The following GIPC3 variants were observed in gnomAD, a reference collection of about 807,000 sequenced individuals.
GIPC3 encodes GIPC PDZ domain containing family member 3.
GIPC3 carries 16 observed loss-of-function variants against 27.3 expected under a neutral mutation model. That is an observed-to-expected ratio of 0.59 (90% CI 0.40 to 0.89). GIPC3 has a LOEUF of 0.89. Among genes scored for constraint, GIPC3 ranks in the 40% least tolerant of loss-of-function variants. The pLI is 0.00. For synonymous variants in GIPC3, 194 were observed against 184.6 expected (o/e 1.05, Z -0.41); for missense variants, 440 against 442.1 (o/e 1.00, Z 0.04).
At position 3,590,121 on chromosome 19, in the gene GIPC3, C is replaced by G. The variant is rs764287192; in HGVS notation, c.870C>G (p.Phe290Leu). 1 of 1,610,944 alleles carries G rather than the reference C, an allele frequency of 6.2e-7. No individual in the cohort carries two copies. The highest frequency in any genetic ancestry group is 1.3e-5 in the African/African-American group (1 of 74,910). ...GTTTAGACTCCGTCTTGGGCGAGTT[C>G]GCCTTCCCCGACGAGTTTGTGGTGG... ...ARCLDSVLGE[F>L]AFPDEFVVEV... Residue 290 changes from phenylalanine to leucine, a missense_variant, in exon 6 of 6, where the codon TTC becomes TTG. Coordinates refer to ENST00000644452, the MANE Select transcript of GIPC3 (RefSeq NM_133261.3).
In GIPC3 at chr19:3,589,848, G is replaced by C. The variant is rs200355546; in HGVS notation, c.723G>C (p.Glu241Asp). 1 of 1,613,888 alleles carries C rather than the reference G, an allele frequency of 6.2e-7. No individual in the cohort carries two copies. The highest frequency in any genetic ancestry group is 2.2e-5 in the East Asian group (1 of 44,876). Residue 241 changes from glutamate to aspartate, a missense_variant, in exon 5 of 6, where the codon GAG becomes GAC. Glu to Asp is a conservative substitution (Grantham distance 45). Coordinates refer to ENST00000644452, the MANE Select transcript of GIPC3 (RefSeq NM_133261.3). Reference protein sequence around the residue: ...TVEEAPSEFEEEASRKVDDLL... With the variant: ...TVEEAPSEFEDEASRKVDDLL... The stretch of plus-strand genomic sequence containing the variant: ...GCCCCCAGCCCAGTGAGTTTGAGGA[G>C]GAGGCATCTCGGAAGGTTGATGACC...
chr19:3,592,996 A>G lies in GIPC3; in HGVS notation c.*2806A>G, dbSNP rs1207768806. On this transcript the variant is annotated 3_prime_UTR_variant, in exon 6 of 6. Coordinates refer to ENST00000644452, the MANE Select transcript of GIPC3 (RefSeq NM_133261.3). ...GACCCCCAGCCTCTGCCTCAGCCCC[A>G]TGATCAGGTATGTGGCATCCAGGCC... 1.1e-6 allele frequency: 1 copy of G among 906,428 alleles called. No homozygotes were observed. Among genetic ancestry groups the G allele is most frequent in the East Asian group, 1.8e-4 (1 of 5,528 alleles). The allele number at this position is 906,428 out of a possible 1,614,324, so 56.1% of individuals were successfully genotyped here.
chr19:3,585,912 C>T lies in GIPC3; in HGVS notation c.225+90C>T, dbSNP rs967546127. On this transcript the variant is annotated intron_variant, in intron 1 of 5. Transcript: ENST00000644452. ...GACCCTGGACGGGAGACCCCAGATC[C>T]CCGGATCCCAGACGTCGGGGTGGCC... The T allele has an allele frequency of 3.4e-6, 5 of 1,471,988 alleles. No homozygotes were observed. In the Admixed American group the frequency reaches 8.9e-5, roughly 26 times the overall value. 91.2% of individuals were successfully genotyped at this position (1,471,988 alleles called of 1,614,324 possible). A position where few individuals can be genotyped will look rare whatever the true frequency, so the allele number is the denominator to read the frequency against.
chr19:3,589,174 G>A (rs531533185), intron 3 of GIPC3, among the ~76,000 whole-genome samples: 105 of 152,262 alleles, frequency 6.9e-4, no homozygotes, highest in Admixed American at 1.4e-3. Flanking sequence ...AGAGAAAGTC[G>A]CTAGAAGAGG....
rs199951984 is a variant in GIPC3, at chr19:3,590,122, G to C, written c.871G>C (p.Ala291Pro). ...TTTAGACTCCGTCTTGGGCGAGTTC[G>C]CCTTCCCCGACGAGTTTGTGGTGGA... ...RCLDSVLGEF[A>P]FPDEFVVEVW... is the part of the protein sequence containing the mutation. Residue 291 changes from alanine (A) to proline (P), a missense_variant, in exon 6 of 6, where the codon GCC becomes CCC. Transcript: ENST00000644452. 2 of 1,611,092 alleles carry C rather than the reference G, an allele frequency of 1.2e-6. No individual in the cohort carries two copies. Among genetic ancestry groups the C allele is most frequent in the Non-Finnish European group, 1.7e-6 (2 of 1,179,004 alleles).
chr19:3,589,644 G>A (rs564585144), intron 4 of GIPC3, 89 bp downstream of exon 4: 26 of 1,250,840 alleles, frequency 2.1e-5, no homozygotes, highest in South Asian at 9.8e-5. Context: ...ACTTCTCCTC[G>A]GAGCCTCAGT....
rs143968967 is a variant in GIPC3 at position 3,586,488 on chromosome 19, C to T, written c.226-7C>T. The T allele has an allele frequency of 1.5e-5, 24 of 1,612,770 alleles. No individual in the cohort carries two copies. The highest frequency in any genetic ancestry group is 3.3e-4 in the Middle Eastern group (2 of 6,080). On this transcript the variant is annotated splice_region_variant and splice_polypyrimidine_tract_variant and intron_variant, in intron 1 of 5. Transcript: ENST00000644452. ...GGCTAACTCTAGGCTCCTTCTCCCCCGGGAAGATTTTATTCTGCACCCTCA... is the reference window on the plus strand; with the variant it reads ...GGCTAACTCTAGGCTCCTTCTCCCCTGGGAAGATTTTATTCTGCACCCTCA...
chr19:3,589,963 G>A, intron 5 of GIPC3, 51 bp downstream of exon 5: 1 of 1,613,170 alleles, frequency 6.2e-7, no homozygotes, highest in Non-Finnish European at 8.5e-7. Context: ...AAGCCTACGG[G>A]AGGAGGCAGG....
Position 3,591,035 on chromosome 19 carries a change from C to A in GIPC3, c.*845C>A. The A allele has an allele frequency of 8.1e-7, 1 of 1,233,814 alleles. No individual in the cohort carries two copies. The allele number at this position is 1,233,814 out of a possible 1,614,324, so 76.4% of individuals were successfully genotyped here. A position where few individuals can be genotyped will look rare whatever the true frequency, so the allele number is the denominator to read the frequency against. On this transcript the variant is annotated 3_prime_UTR_variant, in exon 6 of 6. Coordinates refer to ENST00000644452, the MANE Select transcript of GIPC3 (RefSeq NM_133261.3). ...CTAGAACCCAGATAAGCTCTGAAAC[C>A]AAGCCCAGCATAGAGACCAAGCCGT... is the stretch of plus-strand genomic sequence containing the variant.
intron 3 of GIPC3, among the ~76,000 whole-genome samples, chr19:3,588,627 T>A: frequency 7.6e-6 from 1 of 131,132 alleles, no homozygotes. Flanking sequence ...TGAGGTCAGG[T>A]GATCCATCGT....
rs751325913 is a variant in GIPC3, at chr19:3,585,699, C to A, written c.102C>A (p.Arg34=). The A allele has an allele frequency of 6.9e-7, 1 of 1,442,356 alleles. No homozygotes were observed. The highest frequency in any genetic ancestry group is 1.4e-5 in the South Asian group (1 of 72,764). 89.3% of individuals were successfully genotyped at this position (1,442,356 alleles called of 1,614,324 possible). A position where few individuals can be genotyped will look rare whatever the true frequency, so the allele number is the denominator to read the frequency against. The change falls in exon 1 of 6, where the codon CGC becomes CGA. Residue 34 remains arginine, a synonymous_variant. Transcript: ENST00000644452. ...AGCCCCCGGCCGCGCCCCGCGCCCG[C>A]CCGCGCCTCGTCTTCCGCACGCAGC... ...PSEPPAAPRA[R]PRLVFRTQLA...
Position 3,592,528 on chromosome 19 carries a change from C to T in GIPC3, c.*2338C>T, listed in dbSNP as rs1014025061. The T allele has an allele frequency of 3.3e-6, 4 of 1,215,668 alleles. No homozygotes were observed. The highest frequency in any genetic ancestry group is 4.1e-6 in the Non-Finnish European group (4 of 980,148). The allele number at this position is 1,215,668 out of a possible 1,614,324, so 75.3% of individuals were successfully genotyped here. A position where few individuals can be genotyped will look rare whatever the true frequency, so the allele number is the denominator to read the frequency against. ...GCAAGAATTCAGCTCAGCCCTGGAG[C>T]TCATCTTAGCTCCAGAACCCAGTCC... On this transcript the variant is annotated 3_prime_UTR_variant, in exon 6 of 6. Transcript: ENST00000644452.
In GIPC3 at chr19:3,589,920, G is replaced by T. The variant is rs1252866223; in HGVS notation, c.787+8G>T. ...TTCGGGACCCCGAGCTGGGTAAGGG[G>T]CCAGGGTAAGCCAGGGGGCCCTGGG... is the stretch of plus-strand genomic sequence containing the variant. On this transcript the variant is annotated splice_region_variant and intron_variant, in intron 5 of 5. Transcript: ENST00000644452. 2 of 1,613,600 alleles carry T rather than the reference G, an allele frequency of 1.2e-6. No individual in the cohort carries two copies. The highest frequency in any genetic ancestry group is 1.7e-6 in the Non-Finnish European group (2 of 1,180,000).
rs1214652710 is a variant in GIPC3 at position 3,586,533 on chromosome 19, G to C, written c.264G>C (p.Met88Ile). ...CCCTCAACAGCCACAAAGTGGACAT[G>C]CAGAAGCTCCTGGGGGGTCAGATAG... Reference protein sequence around the residue: ...FCTLNSHKVDMQKLLGGQIGL... With the variant: ...FCTLNSHKVDIQKLLGGQIGL... Residue 88 changes from methionine (M) to isoleucine (I), a missense_variant, in exon 2 of 6, where the codon ATG becomes ATC. Physicochemically the swap from Met to Ile is conservative, Grantham distance 10 (BLOSUM62 1). Transcript: ENST00000644452. The C allele has an allele frequency of 9.3e-6, 15 of 1,613,812 alleles. No individual in the cohort carries two copies. The highest frequency in any genetic ancestry group is 1.1e-5 in the Non-Finnish European group (13 of 1,180,006).
chr19:3,593,275 G>A lies in GIPC3; in HGVS notation c.*3085G>A, dbSNP rs996447747. ...GGGGAGCCAGGAGCCCGCCCTTACC[G>A]CGGGGGGCCGTAGCTTGGCTGTGAC... On this transcript the variant is annotated 3_prime_UTR_variant, in exon 6 of 6. Coordinates refer to ENST00000644452, the MANE Select transcript of GIPC3 (RefSeq NM_133261.3). The A allele has an allele frequency of 4.1e-6, 5 of 1,232,410 alleles. No individual in the cohort carries two copies. The highest frequency in any genetic ancestry group is 3.2e-5 in the East Asian group (1 of 31,714). The allele number at this position is 1,232,410 out of a possible 1,614,324, so 76.3% of individuals were successfully genotyped here.
Position 3,585,641 on chromosome 19 carries a change from C to A in GIPC3, c.44C>A (p.Pro15Gln), listed in dbSNP as rs1161586962. ...AAREARGTET[P>Q]RASAPPPAPS... is the part of the protein sequence containing the mutation. ...CGGGAGGCCCGGGGGACCGAGACCCCGCGCGCGTCTGCGCCCCCGCCCGCG... is the reference window on the plus strand; with the variant it reads ...CGGGAGGCCCGGGGGACCGAGACCCAGCGCGCGTCTGCGCCCCCGCCCGCG... Residue 15 changes from proline to glutamine, a missense_variant, in exon 1 of 6, where the codon CCG becomes CAG. Coordinates refer to ENST00000644452, the MANE Select transcript of GIPC3 (RefSeq NM_133261.3). The A allele has an allele frequency of 2.5e-6, 3 of 1,194,874 alleles. No individual in the cohort carries two copies. Among genetic ancestry groups the A allele is most frequent in the Non-Finnish European group, 3.1e-6 (3 of 966,744 alleles). The allele number at this position is 1,194,874 out of a possible 1,614,324, so 74.0% of individuals were successfully genotyped here. A position where few individuals can be genotyped will look rare whatever the true frequency, so the allele number is the denominator to read the frequency against.
At chr19:3,588,405 C>T (rs558218052) in intron 3 of GIPC3, among the ~76,000 whole-genome samples, 6 of 152,034 alleles carry the variant, frequency 3.9e-5, no homozygotes, top group Non-Finnish European at 7.4e-5. Context: ...CTTTGGATAG[C>T]GTTGTTCTAT....
chr19:3,590,272 C>G lies in GIPC3; in HGVS notation c.*82C>G, dbSNP rs577919494. 2 of 1,513,238 alleles carry G rather than the reference C, an allele frequency of 1.3e-6. No homozygotes were observed. Among genetic ancestry groups the G allele is most frequent in the Non-Finnish European group, 1.8e-6 (2 of 1,128,682 alleles). The allele number at this position is 1,513,238 out of a possible 1,614,324, so 93.7% of individuals were successfully genotyped here. ...CCCTGCTCCAGAACCCAGCCCAGAT[C>G]GGAGGACAAGTTCCTCTCTAGAACC... On this transcript the variant is annotated 3_prime_UTR_variant, in exon 6 of 6. Coordinates refer to ENST00000644452, the MANE Select transcript of GIPC3 (RefSeq NM_133261.3).
chr19:3,592,637 C>T lies in GIPC3; in HGVS notation c.*2447C>T. 1 of 1,231,990 alleles carries T rather than the reference C, an allele frequency of 8.1e-7. No individual in the cohort carries two copies. The highest frequency in any genetic ancestry group is 4.2e-5 in the Admixed American group (1 of 23,702). The allele number at this position is 1,231,990 out of a possible 1,614,324, so 76.3% of individuals were successfully genotyped here. ...CTGGGATTCAGTTTGGCTCTGAAACCCAGACCGGCTCAAGAATTCAGCCCG... is the reference window on the plus strand; with the variant it reads ...CTGGGATTCAGTTTGGCTCTGAAACTCAGACCGGCTCAAGAATTCAGCCCG... On this transcript the variant is annotated 3_prime_UTR_variant, in exon 6 of 6. Coordinates refer to ENST00000644452, the MANE Select transcript of GIPC3 (RefSeq NM_133261.3).
Sources: gnomAD v4.1 joint callset for allele counts (sites outside exome capture counted in the v4.1 genomes callset) on GRCh38, gnomAD v4.1.1 for gene constraint, MANE v1.5 for transcripts, NCBI Gene and HGNC (gene_info 2026-07-23, HGNC 2026-07-21) for gene names.